Variants in CAPN14 observed in about 807,000 individuals in gnomAD.
CAPN14 encodes calpain 14, also known as calpain-14.
A neutral mutation model predicts 101.3 loss-of-function variants in CAPN14; 94 were observed. The observed-to-expected ratio is 0.93, with a 90% CI of 0.79 to 1.10. CAPN14 has a LOEUF of 1.10. CAPN14 is among the 50% of genes least tolerant of loss of function. CAPN14 has a pLI of 0.00. For synonymous variants in CAPN14, 338 were observed against 317.9 expected, an observed-to-expected ratio of 1.06 and a Z score of -0.67; for missense variants, 837 against 828.4, an observed-to-expected ratio of 1.01 and a Z score of -0.13.
chr2:31,177,058 A>G lies in CAPN14; in HGVS notation c.1940T>C (p.Ile647Thr), dbSNP rs1346211287. ...GTTCTCTACACGCAGCATCAAGTGG[A>G]TGAAACTGACAAAGTCCATCTGGAG... ...PRLQMDFVSF[I>T]HLMLRVENME... The change falls in exon 20 of 22, where the codon ATC becomes ACC. Residue 647 changes from isoleucine to threonine, a missense_variant. Transcript: ENST00000403897. The G allele has an allele frequency of 6.4e-7, 1 of 1,551,402 alleles. No homozygotes were observed.
In CAPN14 at chr2:31,201,941, C is replaced by T. The variant is rs534770060; in HGVS notation, c.472G>A (p.Glu158Lys). The change falls in exon 5 of 22, where the codon GAG (glutamate) becomes AAG (lysine). Residue 158 changes from glutamate (E) to lysine (K), a missense_variant. Glu to Lys is a moderately conservative substitution (Grantham distance 56, BLOSUM62 1). Transcript: ENST00000403897. The part of the protein sequence containing the change: ...VVIDDRLPVN[E>K]AGQLVFVSST... ...GAGACAAAGACCAGCTGGCCAGCCTCATTCACAGGCAGACGGTCATCGATC... is the reference window on the plus strand; with the variant it reads ...GAGACAAAGACCAGCTGGCCAGCCTTATTCACAGGCAGACGGTCATCGATC... 12 of 1,551,758 alleles carry T rather than the reference C, an allele frequency of 7.7e-6. No individual in the cohort carries two copies. The East Asian group carries it at 2.4e-4, about 32-fold the overall frequency.
At chr2:31,218,633 T>C (rs1289339663), upstream of CAPN14, among the ~76,000 whole-genome samples, 1 of 152,240 alleles carries the variant, frequency 6.6e-6, no homozygotes, top group African/African-American at 2.4e-5. Context: ...TCTCATGGAA[T>C]CTTCACAACT....
chr2:31,189,135 C>G (rs1681052101), intron 13 of CAPN14, 138 bp downstream of exon 13: 1 of 732,808 alleles, frequency 1.4e-6, no homozygotes, highest in African/African-American at 1.8e-5. Context: ...TGCAGAAAGT[C>G]ACCTGGTCTC....
At chr2:31,175,907 G>A (rs1366243471) in intron 21 of CAPN14, among the ~76,000 whole-genome samples, 1 of 152,196 alleles carries the variant, frequency 6.6e-6, no homozygotes, top group African/African-American at 2.4e-5. Flanking sequence ...CTAAGCAGCT[G>A]CTCAATAAAT....
At chr2:31,228,649 T>C (rs1311755443) in intron 1 of CAPN14, among the ~76,000 whole-genome samples, 1 of 152,242 alleles carries the variant, frequency 6.6e-6, no homozygotes, top group East Asian at 1.9e-4. Flanking sequence ...GCTTCTTAAA[T>C]AGGATATAAG....
intron 1 of CAPN14, among the ~76,000 whole-genome samples, chr2:31,229,353 T>C (rs1431827468): frequency 6.6e-6 from 1 of 152,158 alleles, no homozygotes. Context: ...GTGTAGTTTG[T>C]CTTGAACCAC....
At chr2:31,223,532 TTTTTC>T (rs1193394892) in intron 2 of CAPN14, among the ~76,000 whole-genome samples, 1 of 145,076 alleles carries the variant, frequency 6.9e-6, no homozygotes, top group Non-Finnish European at 1.5e-5. Context: ...TTTCTTTTTC[TTTTTC>T]TTTTCTTTTT....
At chr2:31,206,021 A>ATTTTTTTTTTTTTTTTTTTTTTTTTT in intron 1 of CAPN14, among the ~76,000 whole-genome samples, 1 of 108,752 alleles carries the variant, frequency 9.2e-6, no homozygotes, top group Non-Finnish European at 2.0e-5. Flanking sequence ...CATTATCTTT[A>ATTTTTTTTTTTTTTTTTTTTTTTTTT]TTTTTTTTAT....
At chr2:31,175,236 G>T (rs779875349) in intron 21 of CAPN14, among the ~76,000 whole-genome samples, 2 of 152,164 alleles carry the variant, frequency 1.3e-5, no homozygotes, top group Non-Finnish European at 2.9e-5. Context: ...CAAGGTGGCT[G>T]CCATTCCCTG....
chr2:31,193,060 C>T (rs149882609), intron 10 of CAPN14, 71 bp downstream of exon 10: 32,953 of 1,417,794 alleles, frequency 0.023, 455 homozygotes, highest in Non-Finnish European at 0.026. Flanking sequence ...GCTGCAACCC[C>T]CTGTGCAGTC....
chr2:31,195,780 T>G (rs567448332), intron 8 of CAPN14, among the ~76,000 whole-genome samples: 1 of 152,168 alleles, frequency 6.6e-6, no homozygotes, highest in South Asian at 2.1e-4. Context: ...ATCAAAACAA[T>G]CCCTAAGTAA....
chr2:31,194,569 T>C, intron 8 of CAPN14, 86 bp from the exon 9 acceptor site: 1 of 870,764 alleles, frequency 1.1e-6, no homozygotes, highest in Non-Finnish European at 1.8e-6. Context: ...TTATTTATTA[T>C]TATTTTCATA....
chr2:31,217,191 G>T (rs921988307), intron 1 of CAPN14, among the ~76,000 whole-genome samples: 1 of 152,140 alleles, frequency 6.6e-6, no homozygotes, highest in African/African-American at 2.4e-5. Context: ...CAGGCCCAAA[G>T]ATACTCCCAT....
At chr2:31,193,561 T>A (rs1681318817) in intron 9 of CAPN14, among the ~76,000 whole-genome samples, 2 of 152,218 alleles carry the variant, frequency 1.3e-5, no homozygotes, top group Admixed American at 6.5e-5. Context: ...CCGGGGGAGA[T>A]GTTCCAGTTT....
rs1572402034 is a variant in CAPN14, at chr2:31,189,583, C to T, written c.1288-105G>A. 1.7e-5 allele frequency: 15 copies of T among 886,568 alleles called. No individual in the cohort carries two copies. In the East Asian group the frequency reaches 3.9e-4, roughly 23 times the overall value. 54.9% of individuals were successfully genotyped at this position (886,568 alleles called of 1,614,324 possible). A position where few individuals can be genotyped will look rare whatever the true frequency, so the allele number is the denominator to read the frequency against. On this transcript the variant is annotated intron_variant, in intron 12 of 21. Coordinates refer to ENST00000403897, the MANE Select transcript of CAPN14 (RefSeq NM_001145122.2). ...AGCCAGGACTAAGGTGGCCTCTGCT[C>T]TGCCAAATCCAATAGGCCCCAGTGG...
intron 1 of CAPN14, among the ~76,000 whole-genome samples, chr2:31,227,493 G>A (rs571383877): frequency 3.3e-5 from 5 of 152,176 alleles, no homozygotes; most frequent in South Asian, 4.2e-4. Context: ...CCTTGTGCAC[G>A]TTCAGTACTC....
chr2:31,197,212 C>A, intron 8 of CAPN14, 37 bp downstream of exon 8: 1 of 1,428,118 alleles, frequency 7.0e-7, no homozygotes, highest in Non-Finnish European at 9.7e-7. Context: ...GCCTAACCTA[C>A]CTGTTCTCAC....
At chr2:31,175,192 A>G (rs1341503100) in intron 21 of CAPN14, among the ~76,000 whole-genome samples, 1 of 152,180 alleles carries the variant, frequency 6.6e-6, no homozygotes, top group Admixed American at 6.5e-5. Context: ...GAAGTTACCA[A>G]TGGTGTCAGA....
At chr2:31,214,319 C>G (rs923925919) in intron 1 of CAPN14, among the ~76,000 whole-genome samples, 3 of 152,186 alleles carry the variant, frequency 2.0e-5, no homozygotes, top group African/African-American at 7.2e-5. Flanking sequence ...CTGTCAATCA[C>G]TTGGCTGCTC....
Sources: gnomAD v4.1 joint callset for allele counts (sites outside exome capture counted in the v4.1 genomes callset) on GRCh38, gnomAD v4.1.1 for gene constraint, MANE v1.5 for transcripts, NCBI Gene and HGNC (gene_info 2026-07-23, HGNC 2026-07-21) for gene names.